Variants in GRID2 observed in about 807,000 individuals in gnomAD.
GRID2 encodes the protein glutamate receptor ionotropic, delta-2.
A neutral mutation model predicts 114.8 loss-of-function variants in GRID2; 33 were observed. The observed-to-expected ratio is 0.29, with a 90% CI of 0.22 to 0.38. GRID2 has a LOEUF of 0.38. Among genes scored for constraint, GRID2 ranks in the 10% least tolerant of loss-of-function variants. The pLI is 1.00. For missense variants in GRID2, 1,184 were observed against 1,257.7 expected (o/e 0.94, Z 0.89); for synonymous variants, 505 against 449.9 (o/e 1.12, Z -1.55).
chr4:92,593,347 T>G (rs1195761985), intron 2 of GRID2, among the ~76,000 whole-genome samples: 8 of 152,040 alleles, frequency 5.3e-5, no homozygotes, highest in African/African-American at 1.9e-4. Flanking sequence ...AAGAGCTGGT[T>G]TTTTATTTTA....
intron 2 of GRID2, among the ~76,000 whole-genome samples, chr4:92,821,123 A>G (rs1741254069): frequency 6.6e-6 from 1 of 152,198 alleles, no homozygotes; most frequent in Non-Finnish European, 1.5e-5. Context: ...CCAAAAGTAG[A>G]TATTTTGAAT....
At chr4:93,082,651 T>C (rs1729969607) in intron 2 of GRID2, among the ~76,000 whole-genome samples, 1 of 152,182 alleles carries the variant, frequency 6.6e-6, no homozygotes, top group African/African-American at 2.4e-5. Flanking sequence ...TAAATTATCT[T>C]TTAGGCCTGA....
At chr4:93,164,016 A>C (rs1181932255) in intron 4 of GRID2, among the ~76,000 whole-genome samples, 1 of 151,978 alleles carries the variant, frequency 6.6e-6, no homozygotes, top group Non-Finnish European at 1.5e-5. Flanking sequence ...ATTACCTATT[A>C]AGTTAGTTCT....
chr4:93,216,681 T>G, intron 5 of GRID2, 57 bp from the exon 6 acceptor site: 2 of 1,095,640 alleles, frequency 1.8e-6, no homozygotes, highest in East Asian at 2.4e-5. Context: ...TCATAATAGG[T>G]TTGTGTTTTG....
chr4:93,105,626 T>G (rs1335013577), intron 3 of GRID2, among the ~76,000 whole-genome samples: 1 of 151,950 alleles, frequency 6.6e-6, no homozygotes, highest in Non-Finnish European at 1.5e-5. Flanking sequence ...TAGGGAAGAG[T>G]CAATTTCCTT....
At chr4:93,192,401 G>A (rs1741067493) in intron 4 of GRID2, among the ~76,000 whole-genome samples, 1 of 152,094 alleles carries the variant, frequency 6.6e-6, no homozygotes, top group African/African-American at 2.4e-5. Flanking sequence ...TATAGTGTAA[G>A]ATACAAGATT....
intron 1 of GRID2, among the ~76,000 whole-genome samples, chr4:92,321,831 A>G (rs1382209173): frequency 2.0e-5 from 3 of 152,176 alleles, no homozygotes; most frequent in Non-Finnish European, 4.4e-5. Flanking sequence ...ATTTGATGTC[A>G]GGCTTATATG....
intron 2 of GRID2, among the ~76,000 whole-genome samples, chr4:92,594,156 A>G (rs1205133056): frequency 6.6e-6 from 1 of 151,840 alleles, no homozygotes; most frequent in Admixed American, 6.6e-5. Context: ...TTCTTGCTAT[A>G]TACCCACCCA....
At chr4:93,616,614 T>G (rs1204765199) in intron 13 of GRID2, among the ~76,000 whole-genome samples, 1 of 138,412 alleles carries the variant, frequency 7.2e-6, no homozygotes, top group Non-Finnish European at 1.5e-5. Flanking sequence ...ATTATATTTA[T>G]AAAATAAATA....
chr4:93,420,713 G>A lies in GRID2; in HGVS notation c.1348-2058G>A, dbSNP rs28593089. Among the ~76,000 whole-genome samples, 268 of 94,030 alleles carry A rather than the reference G, an allele frequency of 2.9e-3. 1 individual carries two copies. Among genetic ancestry groups the A allele is most frequent in the African/African-American group, 0.011 (243 of 21,782 alleles). 61.7% of individuals were successfully genotyped at this position (94,030 alleles called of 152,430 possible). A position where few individuals can be genotyped will look rare whatever the true frequency, so the allele number is the denominator to read the frequency against. On this transcript the variant is annotated intron_variant, in intron 9 of 15. Coordinates refer to ENST00000282020, the MANE Select transcript of GRID2 (RefSeq NM_001510.4). ...TAACAAAAAATATGGAAATTTATTT[G>A]TTTATTTATTATTTTTACTTATTTA...
At chr4:93,050,209 CA>C (rs1227602378) in intron 2 of GRID2, among the ~76,000 whole-genome samples, 1 of 152,026 alleles carries the variant, frequency 6.6e-6, no homozygotes, top group African/African-American at 2.4e-5. Flanking sequence ...TTGGTAGTGG[CA>C]TCTTCATTTA....
chr4:93,589,955 C>A (rs1287162611), intron 13 of GRID2, among the ~76,000 whole-genome samples: 1 of 150,514 alleles, frequency 6.6e-6, no homozygotes, highest in Non-Finnish European at 1.5e-5. Context: ...GGATATTAGC[C>A]CTTTGTCAGA....
chr4:92,811,579 G>A (rs985592576), intron 2 of GRID2, among the ~76,000 whole-genome samples: 9 of 151,960 alleles, frequency 5.9e-5, no homozygotes, highest in African/African-American at 2.2e-4. Flanking sequence ...AAAACAAATT[G>A]ACTCAGTTTT....
intron 14 of GRID2, among the ~76,000 whole-genome samples, chr4:93,652,479 G>T (rs1722662959): frequency 6.6e-6 from 1 of 151,972 alleles, no homozygotes. Context: ...ACCTATCATT[G>T]TGTTACAATT....
intron 14 of GRID2, among the ~76,000 whole-genome samples, chr4:93,652,912 A>G (rs1230055134): frequency 6.6e-6 from 1 of 152,040 alleles, no homozygotes; most frequent in Non-Finnish European, 1.5e-5. Context: ...CACAAAGGAC[A>G]TGGGGACTTC....
intron 3 of GRID2, among the ~76,000 whole-genome samples, chr4:93,104,801 A>G (rs1317951332): frequency 1.3e-5 from 2 of 152,188 alleles, no homozygotes; most frequent in African/African-American, 4.8e-5. Flanking sequence ...TACATGATTT[A>G]CAGTCCTTTG....
At chr4:93,496,217 G>GT (rs1218842977) in intron 12 of GRID2, among the ~76,000 whole-genome samples, 7 of 151,208 alleles carry the variant, frequency 4.6e-5, no homozygotes, top group Admixed American at 2.6e-4. Context: ...TCATGGGGCA[G>GT]TAAGTTCTGT....
At chr4:93,088,923 C>A (rs561546950) in intron 3 of GRID2, among the ~76,000 whole-genome samples, 1 of 152,188 alleles carries the variant, frequency 6.6e-6, no homozygotes, top group East Asian at 1.9e-4. Context: ...TTGCAATAAA[C>A]TATCACCCAA....
intron 2 of GRID2, among the ~76,000 whole-genome samples, chr4:92,784,015 T>C (rs1739208392): frequency 1.3e-5 from 2 of 152,082 alleles, no homozygotes; most frequent in Admixed American, 1.3e-4. Context: ...CTTTCATATG[T>C]TCTTAATATT....
Sources: gnomAD v4.1 joint callset for allele counts (sites outside exome capture counted in the v4.1 genomes callset) on GRCh38, gnomAD v4.1.1 for gene constraint, MANE v1.5 for transcripts, NCBI Gene and HGNC (gene_info 2026-07-23, HGNC 2026-07-21) for gene names.